Variants in UPF3B observed in about 807,000 individuals in gnomAD.
UPF3B encodes regulator of nonsense transcripts 3B.
A neutral mutation model predicts 40.3 loss-of-function variants in UPF3B; 7 were observed. The ratio of observed to expected loss-of-function variants is 0.17; its 90% CI spans 0.10 to 0.33. The LOEUF (loss-of-function observed/expected upper bound fraction) is 0.33. UPF3B is among the 10% of genes least tolerant of loss of function. The pLI, the probability that UPF3B is intolerant of heterozygous loss-of-function variation, is 1.00. For synonymous variants in UPF3B, 117 were observed against 117.3 expected, an observed-to-expected ratio of 1.00 and a Z score of 0.01; for missense variants, 229 against 358.9, an observed-to-expected ratio of 0.64 and a Z score of 2.93.
chrX:119,805,719 A>G (rs1022752717), intron 6 of UPF3B, among the ~76,000 whole-genome samples: 2 of 109,743 alleles, frequency 1.8e-5, no homozygotes, highest in African/African-American at 3.3e-5. Flanking sequence ...GCAGCCAAAA[A>G]ACACATGAAA....
chrX:119,852,118 C>T (rs2056311274), intron 1 of UPF3B, among the ~76,000 whole-genome samples: 2 of 111,296 alleles, frequency 1.8e-5, no homozygotes, highest in African/African-American at 6.5e-5. Context: ...TTGCTCTTTA[C>T]AGCAGCCCTG....
At chrX:119,849,267 G>A (rs780626210) in intron 3 of UPF3B, among the ~76,000 whole-genome samples, 45 of 111,190 alleles carry the variant, frequency 4.0e-4, no homozygotes, top group Non-Finnish European at 7.2e-4. Context: ...GCTGAGGCGG[G>A]TGGATTGCTT....
intron 3 of UPF3B, among the ~76,000 whole-genome samples, chrX:119,846,275 A>C (rs1368095827): frequency 2.7e-5 from 3 of 111,235 alleles, no homozygotes; most frequent in Non-Finnish European, 3.8e-5. Flanking sequence ...CAGAGATTGC[A>C]GTGAGCCGAG....
rs780657527 is a variant in UPF3B at position 119,850,044 on chromosome X, C to T, written c.370+1451G>A. On this transcript the variant is annotated intron_variant, in intron 3 of 10. Transcript: ENST00000276201. ...GTGGCTCGCACCTGTAATCCCAGCACTTTGGGAGGCTGAGGTGGGGGGGGG... is the reference window on the plus strand; with the variant it reads ...GTGGCTCGCACCTGTAATCCCAGCATTTTGGGAGGCTGAGGTGGGGGGGGG... Among the ~76,000 whole-genome samples, 21 of 96,126 alleles carry T rather than the reference C, an allele frequency of 2.2e-4. No individual in the cohort carries two copies. The East Asian group carries it at 6.9e-3, about 32-fold the overall frequency. The allele number at this position is 96,126 out of a possible 115,157, so 83.5% of individuals were successfully genotyped here. A position where few individuals can be genotyped will look rare whatever the true frequency, so the allele number is the denominator to read the frequency against.
At chrX:119,810,138 T>C (rs751795727) in intron 5 of UPF3B, among the ~76,000 whole-genome samples, 4 of 112,190 alleles carry the variant, frequency 3.6e-5, no homozygotes, top group African/African-American at 1.3e-4. Context: ...GTCAACACCA[T>C]AGACATCACA....
intron 5 of UPF3B, among the ~76,000 whole-genome samples, chrX:119,842,589 CACACACACACACACAT>C (rs1371175854): frequency 2.4e-5 from 2 of 82,717 alleles, no homozygotes; most frequent in East Asian, 4.4e-4. Context: ...CTCACACACA[CACACACACACACACAT>C]ACACACACAC....
downstream of UPF3B, chrX:119,831,706 G>A (rs752996306): frequency 1.3e-6 from 1 of 752,984 alleles, no homozygotes; most frequent in African/African-American, 2.3e-5. Context: ...CAGGAAAATA[G>A]TGTTGATAGT....
chrX:119,841,862 C>G (rs576457140), intron 5 of UPF3B, 84 bp from the exon 6 acceptor site: 1 of 832,116 alleles, frequency 1.2e-6, no homozygotes, highest in East Asian at 3.1e-5. Context: ...GCCAACCACC[C>G]AAGGTGGGAA....
At position 119,822,986 on chromosome X, in the gene UPF3B, GC is replaced by G; in HGVS notation, c.449del (p.Trp150CysfsTer12). The G allele has an allele frequency of 1.1e-6, 1 of 900,172 alleles. No individual in the cohort carries two copies. The highest frequency in any genetic ancestry group is 3.0e-5 in the South Asian group (1 of 32,972). 74.2% of individuals were successfully genotyped at this position (900,172 alleles called of 1,213,427 possible). Reference sequence around the variant, plus strand: ...GAATCTCCAGACTTGTCATCAGGGTGCCAGAGTCGACCTCGGCCTCGAGCTC... The same window carrying G: ...GAATCTCCAGACTTGTCATCAGGGTGCAGAGTCGACCTCGGCCTCGAGCTC... On this transcript the variant is annotated frameshift_variant, in exon 4 of 7. Transcript: ENST00000636792. LOFTEE classifies it high-confidence loss of function.
intron 3 of UPF3B, among the ~76,000 whole-genome samples, chrX:119,824,764 C>CTT (rs11351287): frequency 0.029 from 1,888 of 65,601 alleles, 101 homozygotes; most frequent in African/African-American, 0.11. Context: ...CCATTTCTTT[C>CTT]TTTTTTTTTT....
chrX:119,811,042 C>CT lies in UPF3B; in HGVS notation c.603-3462dup, dbSNP rs545707798. 1.4e-3 allele frequency among the ~76,000 whole-genome samples: 138 copies of CT among 102,113 alleles called. 1 individual carries two copies. The highest frequency in any genetic ancestry group is 2.1e-3 in the South Asian group (5 of 2,351). 88.7% of individuals were successfully genotyped at this position (102,113 alleles called of 115,157 possible). On this transcript the variant is annotated intron_variant, in intron 5 of 6. Coordinates refer to the UPF3B transcript ENST00000636792. ...ATCTTTTACGTCTATTTTCCACAAA[C>CT]TTTTTTTTTTTTTTGAGACAGAGTC... is the stretch of plus-strand genomic sequence containing the variant.
At chrX:119,829,711 TGGGCCCTA>T (rs1006803344), downstream of UPF3B, among the ~76,000 whole-genome samples, 6 of 111,872 alleles carry the variant, frequency 5.4e-5, no homozygotes, top group Middle Eastern at 4.2e-3. Context: ...TATTCAAGGC[TGGGCCCTA>T]GGTCTGCTTC....
chrX:119,809,863 A>C (rs2055816545), intron 5 of UPF3B, among the ~76,000 whole-genome samples: 1 of 112,168 alleles, frequency 8.9e-6, no homozygotes, highest in Non-Finnish European at 1.9e-5. Context: ...TTCTGCTAAA[A>C]TTGAAGGAAC....
chrX:119,830,659 C>A (rs1191610686), downstream of UPF3B, among the ~76,000 whole-genome samples: 10 of 109,402 alleles, frequency 9.1e-5, no homozygotes, highest in Non-Finnish European at 1.7e-4. Flanking sequence ...GTGGAAAAAA[C>A]CAAGGTAAGC....
At chrX:119,822,471 C>T (rs1383115080) in intron 4 of UPF3B, among the ~76,000 whole-genome samples, 4 of 113,015 alleles carry the variant, frequency 3.5e-5, no homozygotes, top group African/African-American at 1.3e-4. Flanking sequence ...ATGTCCTCGC[C>T]ATCAGCATTT....
At chrX:119,837,717 G>GA (rs768747178) in intron 10 of UPF3B, 40 bp downstream of exon 10, 25 of 1,195,941 alleles carry the variant, frequency 2.1e-5, no homozygotes, top group East Asian at 1.2e-4. Context: ...CAGGAAAAGG[G>GA]AAAAAAACCC....
At chrX:119,815,403 GTCCAGTCAT>G in intron 4 of UPF3B, 1 of 352,333 alleles carries the variant, frequency 2.8e-6, no homozygotes, top group Non-Finnish European at 3.7e-6. Context: ...ATATACTAAA[GTCCAGTCAT>G]TTAAGACCAA....
chrX:119,823,035 T>C, exon 4 of UPF3B: 2 of 841,892 alleles, frequency 2.4e-6, no homozygotes, highest in Non-Finnish European at 2.9e-6. Flanking sequence ...ACTGCATCCA[T>C]GGACAGTCCT....
chrX:119,827,731 TTCC>T (rs1003243270), intron 3 of UPF3B, among the ~76,000 whole-genome samples: 4 of 110,261 alleles, frequency 3.6e-5, no homozygotes, highest in African/African-American at 1.3e-4. Context: ...TGGGTTTTTT[TTCC>T]TCTTCTTTAT....
Sources: gnomAD v4.1 joint callset for allele counts (sites outside exome capture counted in the v4.1 genomes callset) on GRCh38, gnomAD v4.1.1 for gene constraint, MANE v1.5 for transcripts, NCBI Gene and HGNC (gene_info 2026-07-23, HGNC 2026-07-21) for gene names.